DHX8: variants seen among roughly 807,000 people sequenced by gnomAD.
The protein encoded by DHX8 is DEAH-box helicase 8.
In DHX8, 67 loss-of-function variants were observed where a neutral mutation model predicts 140.7. The ratio of observed to expected loss-of-function variants is 0.48; its 90% confidence interval spans 0.39 to 0.58. The LOEUF is 0.58. Among genes scored for constraint, DHX8 ranks in the 20% least tolerant of loss-of-function variants. The pLI is 0.00. For missense variants in DHX8, 887 were observed against 1,550.7 expected, an observed-to-expected ratio of 0.57 and a Z score of 7.19; for synonymous variants, 533 against 553.2, an observed-to-expected ratio of 0.96 and a Z score of 0.51.
chr17:43,511,199 G>A (rs1228653348), intron 16 of DHX8, among the ~76,000 whole-genome samples: 3 of 151,722 alleles, frequency 2.0e-5, no homozygotes, highest in Non-Finnish European at 4.4e-5. Context: ...GCGTGGTGGC[G>A]GGTGCCTGTA....
downstream of DHX8, chr17:43,530,513 T>A (rs1221214296): frequency 3.6e-6 from 4 of 1,099,780 alleles, no homozygotes; most frequent in Non-Finnish European, 3.6e-6. Context: ...GAGATGAACG[T>A]CCGGGGAAAG....
intron 1 of DHX8, 52 bp from the exon 2 acceptor site, chr17:43,489,397 C>A: frequency 7.8e-7 from 1 of 1,285,338 alleles, no homozygotes; most frequent in Non-Finnish European, 1.1e-6. Context: ...ATACTTGAAA[C>A]TGATTTCTTG....
chr17:43,502,447 T>C (rs1249649176), intron 11 of DHX8, among the ~76,000 whole-genome samples: 1 of 152,168 alleles, frequency 6.6e-6, no homozygotes, highest in Admixed American at 6.6e-5. Flanking sequence ...GTTTTTGAGA[T>C]GGAGTCTCAC....
Position 43,522,144 on chromosome 17 carries a change from C to T in DHX8, c.3361C>T (p.Gln1121Ter), listed in dbSNP as rs750782254. The change falls in exon 22 of 23, where the codon CAG becomes TAG. Residue 1121 changes from glutamine (Q) to a stop codon, truncating the protein, a stop_gained. Transcript: ENST00000262415. LOFTEE classifies it high-confidence loss of function. The part of the protein sequence containing the change: ...FFRNAAKKDP[Q>*]EGYRTLIDQQ... ...CCGTAATGCTGCCAAGAAAGACCCGCAGGAGGGTTACCGGACACTGATCGA... is the reference window on the plus strand; with the variant it reads ...CCGTAATGCTGCCAAGAAAGACCCGTAGGAGGGTTACCGGACACTGATCGA... 5.6e-5 allele frequency: 90 copies of T among 1,613,966 alleles called. No homozygotes were observed. Among genetic ancestry groups the T allele is most frequent in the Non-Finnish European group, 7.0e-5 (83 of 1,180,000 alleles).
At chr17:43,543,276 A>ACTCTCCCTCTCTCTCT (rs138989101) in intron 3 of DHX8, among the ~76,000 whole-genome samples, 106 of 138,254 alleles carry the variant, frequency 7.7e-4, no homozygotes, top group African/African-American at 2.4e-3. Flanking sequence ...ACACACACAC[A>ACTCTCCCTCTCTCTCT]CTCTCTCTCT....
chr17:43,498,291 T>G (rs1265519397), intron 9 of DHX8, among the ~76,000 whole-genome samples: 1 of 151,414 alleles, frequency 6.6e-6, no homozygotes, highest in Non-Finnish European at 1.5e-5. Flanking sequence ...ATTACAGGTC[T>G]GTACCACCAA....
At chr17:43,538,496 G>A (rs997972936) in intron 3 of DHX8, among the ~76,000 whole-genome samples, 2 of 152,162 alleles carry the variant, frequency 1.3e-5, no homozygotes, top group African/African-American at 2.4e-5. Flanking sequence ...GCCAGGATGG[G>A]TGGAGCTGGG....
chr17:43,533,731 C>T, intron 2 of DHX8: 2 of 1,231,958 alleles, frequency 1.6e-6, no homozygotes, highest in East Asian at 2.6e-5. Context: ...TGCTTCCTTA[C>T]AAGTGCTAGA....
At chr17:43,511,055 C>T (rs761107279) in intron 16 of DHX8, among the ~76,000 whole-genome samples, 2 of 152,178 alleles carry the variant, frequency 1.3e-5, no homozygotes, top group Non-Finnish European at 2.9e-5. Flanking sequence ...TGGAGCTGAG[C>T]GCAGTGGCTC....
Position 43,525,605 on chromosome 17 carries a change from G to A in DHX8, c.*1758G>A, listed in dbSNP as rs536000381. The A allele has an allele frequency of 4.1e-6, 4 of 985,504 alleles. No homozygotes were observed. The South Asian group carries it at 1.9e-4, about 46-fold the overall frequency. The allele number at this position is 985,504 out of a possible 1,614,324, so 61.0% of individuals were successfully genotyped here. A position where few individuals can be genotyped will look rare whatever the true frequency, so the allele number is the denominator to read the frequency against. On this transcript the variant is annotated 3_prime_UTR_variant, in exon 23 of 23. Coordinates refer to ENST00000262415, the MANE Select transcript of DHX8 (RefSeq NM_004941.3). ...CCTCAAATGAAACCAAAGGGGAAAC[G>A]GGGACTGGGCACCCACCTCCCCAAT...
intron 22 of DHX8, among the ~76,000 whole-genome samples, chr17:43,523,315 A>G (rs762187133): frequency 1.7e-4 from 26 of 152,188 alleles, no homozygotes; most frequent in South Asian, 4.1e-4. Flanking sequence ...AAACATTCTA[A>G]TAAACATCCT....
rs148946291 is a variant in DHX8 at position 43,492,195 on chromosome 17, G to A, written c.406G>A (p.Glu136Lys). Residue 136 changes from glutamate to lysine, a missense_variant, in exon 5 of 23, where the codon GAA (glutamate) becomes AAA (lysine). Glu to Lys is a moderately conservative substitution (Grantham distance 56, BLOSUM62 1). Transcript: ENST00000262415. Reference protein sequence around the residue: ...DNPSVRTMLDEDDVKVAVDVL... With the variant: ...DNPSVRTMLDKDDVKVAVDVL... ...TCTACCTCTGCAGACCATGTTGGAT[G>A]AAGATGATGTGAAAGTTGCTGTGGA... The A allele has an allele frequency of 2.9e-5, 47 of 1,614,038 alleles. No individual in the cohort carries two copies. Among genetic ancestry groups the A allele is most frequent in the Non-Finnish European group, 3.9e-5 (46 of 1,179,924 alleles).
intron 11 of DHX8, among the ~76,000 whole-genome samples, chr17:43,504,237 C>T (rs149793650): frequency 5.3e-4 from 80 of 151,838 alleles, no homozygotes; most frequent in African/African-American, 1.8e-3. Flanking sequence ...CCCAGGAGTT[C>T]GAGACCAGCC....
intron 2 of DHX8, chr17:43,532,953 G>A: frequency 1.3e-6 from 2 of 1,549,998 alleles, no homozygotes; most frequent in South Asian, 1.2e-5. Flanking sequence ...GATGTGGTTG[G>A]ATGGAGAAGG....
At position 43,523,931 on chromosome 17, in the gene DHX8, C is replaced by G; in HGVS notation, c.*84C>G. On this transcript the variant is annotated 3_prime_UTR_variant, in exon 23 of 23. Transcript: ENST00000262415. ...TGACAGGCTGGTCCTGAGGATACAGCTGTCCCGTGACTGACTGTCTTAACT... is the reference window on the plus strand; with the variant it reads ...TGACAGGCTGGTCCTGAGGATACAGGTGTCCCGTGACTGACTGTCTTAACT... The G allele has an allele frequency of 1.3e-6, 2 of 1,566,958 alleles. No individual in the cohort carries two copies. The highest frequency in any genetic ancestry group is 1.7e-6 in the Non-Finnish European group (2 of 1,155,588).
At chr17:43,513,621 C>G (rs1416542472) in intron 17 of DHX8, 119 bp downstream of exon 17, 22 of 959,126 alleles carry the variant, frequency 2.3e-5, no homozygotes, top group Non-Finnish European at 2.9e-5. Context: ...ATACTGGGTA[C>G]TATAATGACA....
chr17:43,496,326 G>C, intron 9 of DHX8, 58 bp downstream of exon 9: 1 of 1,247,190 alleles, frequency 8.0e-7, no homozygotes. Context: ...TGAATTGGGT[G>C]ATTTGCCTGT....
chr17:43,529,068 C>T, downstream of DHX8: 2 of 1,446,436 alleles, frequency 1.4e-6, no homozygotes, highest in Admixed American at 1.7e-5. Context: ...CCTGCTGACC[C>T]TCTCCCCAGT....
At chr17:43,531,532 C>G (rs183135171), downstream of DHX8, among the ~76,000 whole-genome samples, 1 of 152,216 alleles carries the variant, frequency 6.6e-6, no homozygotes, top group African/African-American at 2.4e-5. Context: ...GGTGAAACCC[C>G]GTCTCTACTA....
Sources: gnomAD v4.1 joint callset for allele counts (sites outside exome capture counted in the v4.1 genomes callset) on GRCh38, gnomAD v4.1.1 for gene constraint, MANE v1.5 for transcripts, NCBI Gene and HGNC (gene_info 2026-07-23, HGNC 2026-07-21) for gene names.